PCTP: variants seen among roughly 807,000 people sequenced by gnomAD.
PCTP encodes the protein START domain-containing protein 2.
A neutral mutation model predicts 31.0 loss-of-function variants in PCTP; 27 were observed. The ratio of observed to expected loss-of-function variants is 0.87; its 90% CI spans 0.64 to 1.20. PCTP has a LOEUF of 1.20. PCTP is among the 50% of genes most tolerant of loss of function. The probability of loss-of-function intolerance (pLI) is 0.00; values close to 1 mark genes in which losing one functional copy is unlikely to be tolerated. For synonymous variants in PCTP, 108 were observed against 101.2 expected (o/e 1.07, Z -0.40); for missense variants, 287 against 268.2 (o/e 1.07, Z -0.49).
At chr17:55,787,555 A>G (rs1004354524) in intron 2 of PCTP, 2 of 152,018 alleles carry the variant, frequency 1.3e-5, no homozygotes, top group Non-Finnish European at 2.9e-5. Context: ...GGGTTTCACC[A>G]TGTTTTCCAG....
chr17:55,819,702 C>G (rs923350617), intron 3 of PCTP, among the ~76,000 whole-genome samples: 10 of 152,182 alleles, frequency 6.6e-5, no homozygotes, highest in Non-Finnish European at 5.9e-5. Context: ...CTGCAGTGAG[C>G]TGTGATCATT....
chr17:55,769,182 C>T (rs1910847763), intron 2 of PCTP: 2 of 152,172 alleles, frequency 1.3e-5, no homozygotes, highest in South Asian at 2.1e-4. Context: ...ATATGAATAA[C>T]CCCAGAGGAA....
chr17:55,793,808 G>A (rs1453638456), intron 3 of PCTP, among the ~76,000 whole-genome samples: 1 of 152,048 alleles, frequency 6.6e-6, no homozygotes, highest in Non-Finnish European at 1.5e-5. Flanking sequence ...AACTCCCAAG[G>A]ATCCTGTGGA....
chr17:55,770,427 C>T (rs1333388811), intron 2 of PCTP: 3 of 152,208 alleles, frequency 2.0e-5, no homozygotes, highest in Admixed American at 2.0e-4. Context: ...TTAAAGGGCT[C>T]AGAAGCAAAA....
rs553297055 is a variant in PCTP at position 55,821,338 on chromosome 17, AAG to A, written c.318-1420_318-1419del. Among the ~76,000 whole-genome samples, 228 of 152,306 alleles carry A rather than the reference AAG, an allele frequency of 1.5e-3. 1 individual carries two copies. The highest frequency in any genetic ancestry group is 5.1e-3 in the African/African-American group (214 of 41,576). On this transcript the variant is annotated intron_variant, in intron 3 of 3. Coordinates refer to the PCTP transcript ENST00000572536. ...TGTTCAGGATAGGCAAATCCATACA[AAG>A]AGTAAATTAGCAGTTGCTTGGGATT...
chr17:55,774,845 A>T lies in PCTP; in HGVS notation c.565A>T (p.Asn189Tyr). 3 of 1,302,712 alleles carry T rather than the reference A, an allele frequency of 2.3e-6. No homozygotes were observed. Among genetic ancestry groups the T allele is most frequent in the Non-Finnish European group, 2.1e-6 (2 of 970,294 alleles). 80.7% of individuals were successfully genotyped at this position (1,302,712 alleles called of 1,614,324 possible). A position where few individuals can be genotyped will look rare whatever the true frequency, so the allele number is the denominator to read the frequency against. ...PGGQIPSWLINWAAKNGVPNF... is the reference protein window; with the variant it reads ...PGGQIPSWLIYWAAKNGVPNF... The stretch of plus-strand genomic sequence containing the variant: ...TGGCCAAATTCCGTCCTGGCTCATT[A>T]ACTGGGCCGCCAAGGTGAGATCCCA... The change falls in exon 5 of 6, where the codon AAC (asparagine) becomes TAC (tyrosine). Residue 189 changes from asparagine (N) to tyrosine (Y), a missense_variant. Physicochemically the swap from Asn to Tyr is moderately radical, Grantham distance 143 (BLOSUM62 -2). Coordinates refer to ENST00000268896, the MANE Select transcript of PCTP (RefSeq NM_021213.4).
At chr17:55,842,884 G>A (rs892801648), downstream of PCTP, 3 of 152,180 alleles carry the variant, frequency 2.0e-5, no homozygotes, top group African/African-American at 7.2e-5. Context: ...TGCAAAGAGA[G>A]AAGACACATA....
At chr17:55,815,616 T>A (rs1253572411) in intron 3 of PCTP, among the ~76,000 whole-genome samples, 2 of 152,182 alleles carry the variant, frequency 1.3e-5, no homozygotes, top group East Asian at 3.8e-4. Context: ...TAAAATTGTC[T>A]TTAGACTGGA....
At chr17:55,834,936 A>G (rs993676487) in intron 5 of PCTP, among the ~76,000 whole-genome samples, 11 of 152,180 alleles carry the variant, frequency 7.2e-5, no homozygotes, top group Admixed American at 6.5e-4. Context: ...GAATAGGGTT[A>G]TTGCAGATGT....
chr17:55,827,341 TAA>T, downstream of PCTP, among the ~76,000 whole-genome samples: 1 of 152,190 alleles, frequency 6.6e-6, no homozygotes, highest in Admixed American at 6.5e-5. Flanking sequence ...AACCACCAGC[TAA>T]TGCCATCCTA....
downstream of PCTP, among the ~76,000 whole-genome samples, chr17:55,847,315 G>A (rs1386848893): frequency 6.6e-6 from 1 of 152,216 alleles, no homozygotes; most frequent in African/African-American, 2.4e-5. Flanking sequence ...CACCTGATGT[G>A]TTTTGGCTCC....
downstream of PCTP, among the ~76,000 whole-genome samples, chr17:55,827,323 C>A (rs991955649): frequency 1.3e-5 from 2 of 152,142 alleles, no homozygotes; most frequent in Admixed American, 1.3e-4. Context: ...GGTCAAGACA[C>A]CCCAGCCAAC....
At chr17:55,821,262 A>G (rs1413569159) in intron 3 of PCTP, among the ~76,000 whole-genome samples, 1 of 152,220 alleles carries the variant, frequency 6.6e-6, no homozygotes, top group African/African-American at 2.4e-5. Context: ...CATTATGTCA[A>G]ATGAAAGAAG....
chr17:55,773,595 TA>T (rs546582317), intron 3 of PCTP, 128 bp from the exon 4 acceptor site: 6 of 774,924 alleles, frequency 7.7e-6, no homozygotes, highest in Non-Finnish European at 1.2e-5. Flanking sequence ...GTCAGTGAAC[TA>T]GTGGTAGAAA....
chr17:55,769,525 A>G (rs948796380), intron 2 of PCTP: 1 of 152,226 alleles, frequency 6.6e-6, no homozygotes, highest in African/African-American at 2.4e-5. Context: ...CAGTGATGGC[A>G]TCTGACTTTA....
chr17:55,808,159 A>G (rs1912635538), intron 3 of PCTP, among the ~76,000 whole-genome samples: 1 of 152,230 alleles, frequency 6.6e-6, no homozygotes, highest in Non-Finnish European at 1.5e-5. Flanking sequence ...AAGGTCACAT[A>G]GCTTATAAAT....
chr17:55,769,717 C>G (rs1432071099), intron 2 of PCTP: 1 of 152,180 alleles, frequency 6.6e-6, no homozygotes, highest in African/African-American at 2.4e-5. Context: ...GCTAGAGTGA[C>G]TAACTACGAC....
chr17:55,803,685 C>G (rs890865250), intron 3 of PCTP, among the ~76,000 whole-genome samples: 7 of 152,100 alleles, frequency 4.6e-5, no homozygotes, highest in Admixed American at 6.5e-5. Context: ...AGACCCCTTC[C>G]TTATACCGTA....
At chr17:55,842,006 C>T (rs1220607632) in intron 5 of PCTP, among the ~76,000 whole-genome samples, 1 of 152,018 alleles carries the variant, frequency 6.6e-6, no homozygotes, top group African/African-American at 2.4e-5. Context: ...TATAAGTACA[C>T]CTCCCATATT....
Sources: allele counts gnomAD v4.1 joint callset (sites outside exome capture counted in the v4.1 genomes callset), GRCh38; gene constraint gnomAD v4.1.1; transcripts MANE v1.5; gene names NCBI Gene and HGNC (gene_info 2026-07-23, HGNC 2026-07-21).